The following CNBD1 variants were observed in gnomAD, a reference collection of about 807,000 sequenced individuals.
CNBD1 encodes cyclic nucleotide-binding domain-containing protein 1.
In CNBD1, 71 loss-of-function variants were observed where a neutral mutation model predicts 54.4. The observed-to-expected ratio is 1.30, with a 90% CI of 1.08 to 1.59. CNBD1 has a LOEUF of 1.59. CNBD1 is among the 40% of genes most tolerant of loss of function. The probability of loss-of-function intolerance (pLI) is 0.00; values close to 1 mark genes in which losing one functional copy is unlikely to be tolerated. For missense variants in CNBD1, 659 were observed against 518.0 expected, an observed-to-expected ratio of 1.27 and a Z score of -2.64; for synonymous variants, 182 against 170.7, an observed-to-expected ratio of 1.07 and a Z score of -0.51.
chr8:87,365,686 G>A (rs1810628692), intron 10 of CNBD1, among the ~76,000 whole-genome samples: 1 of 151,864 alleles, frequency 6.6e-6, no homozygotes. Context: ...GATGTATTCA[G>A]GTTAAAATTT....
At chr8:87,379,413 A>G (rs1811026502) in intron 10 of CNBD1, among the ~76,000 whole-genome samples, 1 of 151,892 alleles carries the variant, frequency 6.6e-6, no homozygotes, top group Admixed American at 6.6e-5. Flanking sequence ...TCCACCCCAA[A>G]TCAACAAAAT....
intron 4 of CNBD1, among the ~76,000 whole-genome samples, chr8:87,120,391 T>C (rs1460983587): frequency 1.3e-5 from 2 of 152,094 alleles, no homozygotes; most frequent in Non-Finnish European, 1.5e-5. Context: ...GATGATCTTT[T>C]GTATTTCTGT....
At chr8:86,942,514 G>C (rs1807351769) in intron 4 of CNBD1, among the ~76,000 whole-genome samples, 1 of 152,146 alleles carries the variant, frequency 6.6e-6, no homozygotes, top group African/African-American at 2.4e-5. Flanking sequence ...TTTCATGATG[G>C]CTTTCAGCAG....
chr8:87,304,598 G>T (rs1057080762), intron 8 of CNBD1, among the ~76,000 whole-genome samples: 1 of 151,828 alleles, frequency 6.6e-6, no homozygotes, highest in African/African-American at 2.4e-5. Flanking sequence ...TAACAAACCT[G>T]CACCTTGTGC....
At chr8:87,336,595 C>G (rs1318780183) in intron 8 of CNBD1, among the ~76,000 whole-genome samples, 1 of 152,130 alleles carries the variant, frequency 6.6e-6, no homozygotes, top group Non-Finnish European at 1.5e-5. Context: ...AGCAGCTCCT[C>G]TAACATTTTG....
intron 4 of CNBD1, among the ~76,000 whole-genome samples, chr8:87,158,171 A>G (rs559099708): frequency 1.9e-4 from 29 of 152,222 alleles, no homozygotes; most frequent in Non-Finnish European, 3.1e-4. Flanking sequence ...CTTGAGTCCA[A>G]CTACCTGGGA....
At chr8:87,418,625 A>T (rs559532800) in intron 2 of CNBD1, among the ~76,000 whole-genome samples, 1 of 152,108 alleles carries the variant, frequency 6.6e-6, no homozygotes, top group Non-Finnish European at 1.5e-5. Flanking sequence ...ATTAGGATCT[A>T]GTTTCTAGAA....
In CNBD1 at chr8:87,412,808, G is replaced by A. The variant is rs565572265; in HGVS notation, c.214-15738G>A. Among the ~76,000 whole-genome samples, 4 of 137,540 alleles carry A rather than the reference G, an allele frequency of 2.9e-5. No individual in the cohort carries two copies. In the South Asian group the frequency reaches 8.6e-4, roughly 30 times the overall value. The allele number at this position is 137,540 out of a possible 152,430, so 90.2% of individuals were successfully genotyped here. On this transcript the variant is annotated intron_variant, in intron 2 of 7. Coordinates refer to the CNBD1 transcript ENST00000521593. The stretch of plus-strand genomic sequence containing the variant: ...GAAACATCAAGAAGAGGAGAAAAGA[G>A]GGAGGTAGGTTAGGCAGTGATGTAA...
intron 6 of CNBD1, among the ~76,000 whole-genome samples, chr8:87,260,924 T>G (rs1808127748): frequency 6.6e-6 from 1 of 152,000 alleles, no homozygotes; most frequent in Non-Finnish European, 1.5e-5. Context: ...ACTCTCAGGT[T>G]CTCTTCATTA....
intron 3 of CNBD1, among the ~76,000 whole-genome samples, chr8:86,918,497 A>G (rs2131822150): frequency 6.6e-6 from 1 of 152,140 alleles, no homozygotes; most frequent in South Asian, 2.1e-4. Context: ...TGTTGTGGGG[A>G]GGACCTGGTG....
intron 2 of CNBD1, among the ~76,000 whole-genome samples, chr8:87,415,592 A>G (rs544613618): frequency 5.3e-5 from 8 of 152,104 alleles, no homozygotes; most frequent in South Asian, 4.1e-4. Context: ...AGTTGTTGCA[A>G]TTCCTGAAAC....
Position 87,419,009 on chromosome 8 carries a change from CA to C in CNBD1, c.214-9536del, listed in dbSNP as rs558096788. On this transcript the variant is annotated intron_variant, in intron 2 of 7. Coordinates refer to the CNBD1 transcript ENST00000521593. ...GCACAAAAACTTTTACATGAATGTTCATAGCAGCATTACTCATAACAGTGCC... is the reference window on the plus strand; with the variant it reads ...GCACAAAAACTTTTACATGAATGTTCTAGCAGCATTACTCATAACAGTGCC... 4.1e-4 allele frequency among the ~76,000 whole-genome samples: 63 copies of C among 151,908 alleles called. 1 individual carries two copies. Among genetic ancestry groups the C allele is most frequent in the Non-Finnish European group, 6.0e-4 (41 of 67,820 alleles).
chr8:87,383,816 C>T (rs1213702418), downstream of CNBD1, among the ~76,000 whole-genome samples: 1 of 152,080 alleles, frequency 6.6e-6, no homozygotes, highest in Admixed American at 6.5e-5. Flanking sequence ...AGATAAATGA[C>T]TTCTCCAGCA....
chr8:86,867,587 T>C (rs1466427811), intron 1 of CNBD1, among the ~76,000 whole-genome samples: 1 of 152,188 alleles, frequency 6.6e-6, no homozygotes, highest in East Asian at 1.9e-4. Context: ...ACAAAATTAA[T>C]TCCATTTGTA....
intron 4 of CNBD1, among the ~76,000 whole-genome samples, chr8:86,979,402 C>CAAAAAAAAAAA (rs776634552): frequency 2.9e-4 from 3 of 10,396 alleles, no homozygotes; most frequent in East Asian, 9.3e-3. Flanking sequence ...ATCATCTCTA[C>CAAAAAAAAAAA]AAAAAAAAAA....
chr8:87,360,534 A>G (rs1384506703), intron 10 of CNBD1, among the ~76,000 whole-genome samples: 1 of 151,860 alleles, frequency 6.6e-6, no homozygotes, highest in Admixed American at 6.6e-5. Flanking sequence ...GTCCAGATGC[A>G]GAGCTTATTA....
chr8:87,289,093 T>G (rs1475018282), intron 8 of CNBD1, among the ~76,000 whole-genome samples: 1 of 152,108 alleles, frequency 6.6e-6, no homozygotes, highest in Non-Finnish European at 1.5e-5. Context: ...ATTACACTTT[T>G]ATTATCTGGT....
intron 2 of CNBD1, among the ~76,000 whole-genome samples, chr8:87,398,692 T>C (rs969329331): frequency 1.3e-5 from 2 of 152,150 alleles, no homozygotes; most frequent in Non-Finnish European, 1.5e-5. Context: ...GCCTATATGG[T>C]TGGATATAAT....
At chr8:87,398,608 T>C (rs930611122) in intron 2 of CNBD1, among the ~76,000 whole-genome samples, 32 of 152,162 alleles carry the variant, frequency 2.1e-4, no homozygotes, top group African/African-American at 7.2e-4. Flanking sequence ...ATAATCCTTC[T>C]TTTTAAAAAA....
Sources: gnomAD v4.1 joint callset for allele counts (sites outside exome capture counted in the v4.1 genomes callset) on GRCh38, gnomAD v4.1.1 for gene constraint, MANE v1.5 for transcripts, NCBI Gene and HGNC (gene_info 2026-07-23, HGNC 2026-07-21) for gene names.